Variants in LRBA observed in about 807,000 individuals in gnomAD.
LRBA encodes the protein lipopolysaccharide-responsive and beige-like anchor protein.
LRBA carries 176 observed loss-of-function variants against 330.0 expected under a neutral mutation model. The observed-to-expected ratio is 0.53, with a 90% CI of 0.47 to 0.60. LRBA has a LOEUF of 0.60. LRBA is among the 20% of genes least tolerant of loss of function. The probability of loss-of-function intolerance (pLI) is 0.00; values close to 1 mark genes in which losing one functional copy is unlikely to be tolerated. For synonymous variants in LRBA, 1,230 were observed against 1,193.0 expected, an observed-to-expected ratio of 1.03 and a Z score of -0.64; for missense variants, 3,259 against 3,444.8, an observed-to-expected ratio of 0.95 and a Z score of 1.35.
intron 2 of LRBA, among the ~76,000 whole-genome samples, chr4:151,006,615 G>A (rs1744099716): frequency 6.6e-6 from 1 of 151,948 alleles, no homozygotes; most frequent in African/African-American, 2.4e-5. Context: ...TATAAAAAGT[G>A]AATATAATAG....
intron 15 of LRBA, 55 bp downstream of exon 15, chr4:150,897,684 T>G: frequency 4.1e-6 from 5 of 1,225,602 alleles, no homozygotes; most frequent in Non-Finnish European, 5.9e-6. Context: ...GTATTTCATG[T>G]GAAATTATAA....
chr4:150,698,364 A>G (rs1784817088), intron 36 of LRBA, among the ~76,000 whole-genome samples: 1 of 152,184 alleles, frequency 6.6e-6, no homozygotes, highest in African/African-American at 2.4e-5. Context: ...GGCTTGATAT[A>G]TCTATGAGGG....
chr4:150,983,280 A>G (rs922986466), intron 2 of LRBA, among the ~76,000 whole-genome samples: 7 of 151,960 alleles, frequency 4.6e-5, no homozygotes, highest in Non-Finnish European at 1.0e-4. Context: ...AACATGGCAA[A>G]AACCATCTCT....
intron 2 of LRBA, among the ~76,000 whole-genome samples, chr4:150,981,136 C>T (rs6843984): frequency 1.3e-5 from 2 of 151,314 alleles, no homozygotes; most frequent in Non-Finnish European, 2.9e-5. Flanking sequence ...AACATTAGCT[C>T]GGCGCAGTGG....
chr4:150,516,657 TTAG>T (rs1201671331), intron 40 of LRBA, among the ~76,000 whole-genome samples: 8 of 151,834 alleles, frequency 5.3e-5, no homozygotes, highest in Non-Finnish European at 1.2e-4. Flanking sequence ...CTGAAGTTTA[TTAG>T]TAGTACTAAA....
intron 50 of LRBA, among the ~76,000 whole-genome samples, chr4:150,320,008 C>T (rs17632215): frequency 0.087 from 13,161 of 152,100 alleles, 910 homozygotes; most frequent in South Asian, 0.23. Flanking sequence ...CCTAAAACAA[C>T]GGCTTGGGAA....
intron 42 of LRBA, among the ~76,000 whole-genome samples, chr4:150,481,338 C>T (rs889974498): frequency 2.6e-5 from 4 of 152,064 alleles, no homozygotes; most frequent in African/African-American, 7.2e-5. Context: ...GATATCCTTT[C>T]GTGTGGATAG....
chr4:150,321,480 T>C lies in LRBA; in HGVS notation c.7453-112A>G. The C allele has an allele frequency of 1.2e-6, 1 of 849,450 alleles. No individual in the cohort carries two copies. The highest frequency in any genetic ancestry group is 1.8e-6 in the Non-Finnish European group (1 of 570,726). The allele number at this position is 849,450 out of a possible 1,614,324, so 52.6% of individuals were successfully genotyped here. Reference sequence around the variant, plus strand: ...GTGCAGGAAAAGAAGAGGAAGACCATATTAACATGAGTTGTAAGTGGAAGC... The same window carrying C: ...GTGCAGGAAAAGAAGAGGAAGACCACATTAACATGAGTTGTAAGTGGAAGC... On this transcript the variant is annotated intron_variant, in intron 49 of 56. Coordinates refer to ENST00000651943, the MANE Select transcript of LRBA (RefSeq NM_001364905.1). The surrounding 1 kb of genome is among the most constrained non-coding windows in gnomAD (Gnocchi z 4.5).
chr4:150,945,992 G>A (rs1020709799), intron 2 of LRBA, among the ~76,000 whole-genome samples: 3 of 152,028 alleles, frequency 2.0e-5, no homozygotes, highest in Non-Finnish European at 4.4e-5. Flanking sequence ...TAGAGACGGG[G>A]TTTCACCGTG....
At position 150,648,158 on chromosome 4, in the gene LRBA, C is replaced by CAAAA; in HGVS notation, c.5921+35389_5921+35392dup. Among the ~76,000 whole-genome samples, 49 of 18,118 alleles carry CAAAA rather than the reference C, an allele frequency of 2.7e-3. 6 individuals are homozygous for CAAAA. In the Middle Eastern group the frequency reaches 0.17, roughly 62 times the overall value. The allele number at this position is 18,118 out of a possible 152,430, so 11.9% of individuals were successfully genotyped here. A position where few individuals can be genotyped will look rare whatever the true frequency, so the allele number is the denominator to read the frequency against. On this transcript the variant is annotated intron_variant, in intron 37 of 56. Coordinates refer to ENST00000651943, the MANE Select transcript of LRBA (RefSeq NM_001364905.1). ...TCAGAAGAGAAAGGAACACAAGTAGCAAAAAAAAAAAAAAAAAAACTAGAA... is the reference window on the plus strand; with the variant it reads ...TCAGAAGAGAAAGGAACACAAGTAGCAAAAAAAAAAAAAAAAAAAAAAACTAGAA...
At chr4:150,602,659 T>C (rs1774238962) in intron 37 of LRBA, among the ~76,000 whole-genome samples, 1 of 152,136 alleles carries the variant, frequency 6.6e-6, no homozygotes, top group Admixed American at 6.6e-5. Context: ...TCAACTTACT[T>C]TCTTCACTCT....
intron 40 of LRBA, among the ~76,000 whole-genome samples, chr4:150,585,667 T>C (rs1734080500): frequency 6.6e-6 from 1 of 152,200 alleles, no homozygotes; most frequent in Non-Finnish European, 1.5e-5. Flanking sequence ...GAGACACAGG[T>C]ACAGAATATA....
At chr4:150,765,120 C>A in intron 34 of LRBA, among the ~76,000 whole-genome samples, 1 of 149,854 alleles carries the variant, frequency 6.7e-6, no homozygotes, top group African/African-American at 2.5e-5. Flanking sequence ...CATGAAAGGA[C>A]ATGGAGAAAA....
intron 5 of LRBA, among the ~76,000 whole-genome samples, chr4:150,918,839 T>C (rs1002911588): frequency 2.6e-5 from 4 of 152,144 alleles, no homozygotes; most frequent in African/African-American, 9.7e-5. Context: ...TCGTAAAATG[T>C]TACAGCTACT....
chr4:150,427,903 C>T lies in LRBA; in HGVS notation c.7041+7686G>A, dbSNP rs546105695. Among the ~76,000 whole-genome samples, 192 of 151,826 alleles carry T rather than the reference C, an allele frequency of 1.3e-3. 1 individual carries two copies. The highest frequency in any genetic ancestry group is 9.4e-4 in the Non-Finnish European group (64 of 67,874). Reference sequence around the variant, plus strand: ...TATCAGCATCCATGGAATGTATTAACATGGTAGAAGATGTGCTGCTAGGGA... The same window carrying T: ...TATCAGCATCCATGGAATGTATTAATATGGTAGAAGATGTGCTGCTAGGGA... On this transcript the variant is annotated intron_variant, in intron 46 of 56. Coordinates refer to ENST00000651943, the MANE Select transcript of LRBA (RefSeq NM_001364905.1).
At chr4:150,759,731 A>G (rs1013815164) in intron 35 of LRBA, among the ~76,000 whole-genome samples, 2 of 152,110 alleles carry the variant, frequency 1.3e-5, no homozygotes, top group African/African-American at 4.8e-5. Flanking sequence ...TCCACGAAAA[A>G]AAGAATCTTT....
intron 37 of LRBA, among the ~76,000 whole-genome samples, chr4:150,607,884 A>C (rs1319736566): frequency 1.3e-5 from 2 of 151,686 alleles, no homozygotes; most frequent in African/African-American, 2.4e-5. Context: ...AAAATACAAA[A>C]ATTATCCAGG....
intron 47 of LRBA, among the ~76,000 whole-genome samples, chr4:150,375,196 C>G (rs1741076246): frequency 1.3e-5 from 2 of 152,150 alleles, no homozygotes; most frequent in Non-Finnish European, 2.9e-5. Context: ...AGCCCTGAAG[C>G]AGGCAGGAAG....
intron 2 of LRBA, among the ~76,000 whole-genome samples, chr4:150,981,962 C>CAA (rs57550785): frequency 2.5e-4 from 16 of 63,914 alleles, no homozygotes; most frequent in Admixed American, 1.8e-3. Flanking sequence ...GACTCCATCT[C>CAA]AAAAAAAAAA....
Sources: gnomAD v4.1 joint callset for allele counts (sites outside exome capture counted in the v4.1 genomes callset) on GRCh38, gnomAD v4.1.1 for gene constraint, Gnocchi (gnomAD v3.1) non-coding constraint, MANE v1.5 for transcripts, NCBI Gene and HGNC (gene_info 2026-07-23, HGNC 2026-07-21) for gene names.